NPSR1: variants seen among roughly 807,000 people sequenced by gnomAD.
NPSR1 encodes the protein neuropeptide S receptor.
In NPSR1, 48 loss-of-function variants were observed where a neutral mutation model predicts 46.9. The observed-to-expected ratio is 1.02, with a 90% CI of 0.81 to 1.30. The LOEUF (loss-of-function observed/expected upper bound fraction) is 1.30, where lower values mean the gene tolerates loss of function less well. NPSR1 is among the 50% of genes most tolerant of loss of function. The pLI is 0.00. For synonymous variants in NPSR1, 176 were observed against 168.1 expected, an observed-to-expected ratio of 1.05 and a Z score of -0.36; for missense variants, 450 against 449.5, an observed-to-expected ratio of 1.00 and a Z score of -0.01.
chr7:34,853,503 T>G (rs558684020), downstream of NPSR1, among the ~76,000 whole-genome samples: 11 of 152,216 alleles, frequency 7.2e-5, no homozygotes, highest in Non-Finnish European at 1.5e-4. Flanking sequence ...CAATTGCATT[T>G]TAAGAATACA....
At chr7:34,745,178 C>G (rs957753143) in intron 2 of NPSR1, among the ~76,000 whole-genome samples, 7 of 152,304 alleles carry the variant, frequency 4.6e-5, no homozygotes, top group Admixed American at 2.0e-4. Flanking sequence ...CATAGTGCCT[C>G]TTTCACATTC....
chr7:34,852,181 T>G (rs1790949735), downstream of NPSR1, among the ~76,000 whole-genome samples: 1 of 152,026 alleles, frequency 6.6e-6, no homozygotes, highest in Non-Finnish European at 1.5e-5. Flanking sequence ...GCGCCTGTAG[T>G]CCCAGCTACT....
intron 2 of NPSR1, chr7:34,719,303 C>T (rs536021216): frequency 4.6e-5 from 7 of 152,320 alleles, no homozygotes; most frequent in African/African-American, 1.4e-4. Context: ...ATATGTGGAC[C>T]GTGCACTTCT....
intron 2 of NPSR1, among the ~76,000 whole-genome samples, chr7:34,702,599 C>T (rs1178733708): frequency 1.3e-5 from 2 of 152,204 alleles, no homozygotes; most frequent in Non-Finnish European, 2.9e-5. Flanking sequence ...GCAGACTGCA[C>T]TTTTCACACC....
intron 1 of NPSR1, among the ~76,000 whole-genome samples, chr7:34,669,556 G>A (rs1032178368): frequency 6.7e-6 from 1 of 148,658 alleles, no homozygotes; most frequent in Non-Finnish European, 1.5e-5. Flanking sequence ...GCGACAGAGC[G>A]AGACTCTGTT....
exon 9 of NPSR1, chr7:34,878,113 A>G (rs146350476): frequency 1.2e-6 from 2 of 1,611,050 alleles, no homozygotes; most frequent in Non-Finnish European, 1.7e-6. Context: ...GGCTGCGCTA[A>G]TGCTCTGCCC....
chr7:34,722,985 C>T (rs1290222860), intron 2 of NPSR1, among the ~76,000 whole-genome samples: 1 of 152,128 alleles, frequency 6.6e-6, no homozygotes, highest in Non-Finnish European at 1.5e-5. Context: ...GTCACAGTGG[C>T]CTTTCCCAGC....
intron 8 of NPSR1, among the ~76,000 whole-genome samples, chr7:34,867,006 G>A (rs1472991820): frequency 6.6e-6 from 1 of 151,600 alleles, no homozygotes; most frequent in Non-Finnish European, 1.5e-5. Flanking sequence ...TTCCACCCAG[G>A]AGCAAGACTG....
intron 4 of NPSR1, among the ~76,000 whole-genome samples, chr7:34,819,862 A>C (rs906519109): frequency 1.4e-4 from 21 of 152,228 alleles, no homozygotes; most frequent in African/African-American, 5.1e-4. Flanking sequence ...ATAGGTGGGA[A>C]CTGAACAACG....
intron 6 of NPSR1, among the ~76,000 whole-genome samples, chr7:34,840,625 G>A (rs532816765): frequency 3.3e-5 from 5 of 152,342 alleles, no homozygotes; most frequent in African/African-American, 7.2e-5. Context: ...ACTGCTCAGG[G>A]TCAAGAGCAA....
intron 8 of NPSR1, among the ~76,000 whole-genome samples, chr7:34,860,303 AG>A (rs1791158246): frequency 6.6e-6 from 1 of 151,878 alleles, no homozygotes; most frequent in African/African-American, 2.4e-5. Context: ...GGCCTCAAAA[AG>A]ACCAAACAAG....
intron 2 of NPSR1, among the ~76,000 whole-genome samples, chr7:34,760,018 T>C (rs968140384): frequency 2.0e-5 from 3 of 152,374 alleles, no homozygotes; most frequent in Admixed American, 2.0e-4. Context: ...TCAGTTAATT[T>C]AATCACCACT....
intron 6 of NPSR1, among the ~76,000 whole-genome samples, chr7:34,842,528 A>C (rs1048494382): frequency 6.6e-6 from 1 of 152,218 alleles, no homozygotes; most frequent in African/African-American, 2.4e-5. Flanking sequence ...CCTGTAAAGC[A>C]AGATCACCCC....
chr7:34,735,221 C>T (rs1237147463), intron 2 of NPSR1, among the ~76,000 whole-genome samples: 1 of 152,218 alleles, frequency 6.6e-6, no homozygotes, highest in Non-Finnish European at 1.5e-5. Context: ...AGTCTCTCCA[C>T]TCCCTTGGCC....
At chr7:34,750,585 C>A in intron 2 of NPSR1, 1 of 691,188 alleles carries the variant, frequency 1.4e-6, no homozygotes, top group Admixed American at 1.9e-5. Context: ...GCATGACAGG[C>A]CTGAAGCTTT....
chr7:34,740,586 C>A (rs1784893445), intron 2 of NPSR1, among the ~76,000 whole-genome samples: 1 of 152,186 alleles, frequency 6.6e-6, no homozygotes, highest in African/African-American at 2.4e-5. Context: ...CCTGCTGCTT[C>A]CTCTACCCCT....
At chr7:34,852,098 C>T (rs1056254734), downstream of NPSR1, among the ~76,000 whole-genome samples, 5 of 152,044 alleles carry the variant, frequency 3.3e-5, no homozygotes, top group African/African-American at 1.2e-4. Context: ...GAGATCGAGA[C>T]CATTCTGGCT....
intron 2 of NPSR1, among the ~76,000 whole-genome samples, chr7:34,777,650 G>A (rs1461400702): frequency 1.3e-5 from 2 of 152,112 alleles, no homozygotes; most frequent in Admixed American, 6.5e-5. Context: ...GGAACGATCA[G>A]TGGAACCTTC....
At chr7:34,714,556 G>T (rs1206068709) in intron 2 of NPSR1, among the ~76,000 whole-genome samples, 1 of 152,216 alleles carries the variant, frequency 6.6e-6, no homozygotes, top group African/African-American at 2.4e-5. Flanking sequence ...ACATATTAGA[G>T]CATCTACAAA....
Sources: gnomAD v4.1 joint callset for allele counts (sites outside exome capture counted in the v4.1 genomes callset) on GRCh38, gnomAD v4.1.1 for gene constraint, MANE v1.5 for transcripts, NCBI Gene and HGNC (gene_info 2026-07-23, HGNC 2026-07-21) for gene names.